The following CHD3 variants were observed in gnomAD, a reference collection of about 807,000 sequenced individuals.
The protein encoded by CHD3 is ATP-dependent chromatin remodeler CHD3.
CHD3 carries 52 observed loss-of-function variants against 248.9 expected under a neutral mutation model. That is an observed-to-expected ratio of 0.21 (90% CI 0.17 to 0.26). The LOEUF is 0.26. Ranked by LOEUF, CHD3 falls within the 10% of genes least tolerant of loss-of-function variation. The pLI, the probability that CHD3 is intolerant of heterozygous loss-of-function variation, is 1.00. For missense variants in CHD3, 1,482 were observed against 2,605.8 expected (o/e 0.57, Z 9.39); for synonymous variants, 985 against 985.2 (o/e 1.00, Z 0.00).
In CHD3 at chr17:7,900,933, TATC is replaced by T; in HGVS notation, c.3063_3065del (p.Ile1021del). On this transcript the variant is annotated inframe_deletion, in exon 19 of 40. Coordinates refer to ENST00000330494, the MANE Select transcript of CHD3 (RefSeq NM_001005273.3). This position sits in a 1 kb window ranked among gnomAD's most constrained non-coding sequence, Gnocchi z 6.5. ...GTGGGAACCAGGTGTCGCTGCTTAA[TATC>T]ATGATGGATCTTAAGAAGTGCTGCA... 1 of 1,614,106 alleles carries T rather than the reference TATC, an allele frequency of 6.2e-7. No individual in the cohort carries two copies. Among genetic ancestry groups the T allele is most frequent in the Non-Finnish European group, 8.5e-7 (1 of 1,179,954 alleles).
rs185135326 is a variant in CHD3, at chr17:7,889,927, G to T, written c.213+151G>T. 3.9e-3 allele frequency: 2,704 copies of T among 701,450 alleles called. 8 individuals carry two copies. Among genetic ancestry groups the T allele is most frequent in the Non-Finnish European group, 5.3e-3 (2,212 of 413,798 alleles). 43.5% of individuals were successfully genotyped at this position (701,450 alleles called of 1,614,324 possible). ...CCGGGCCCCCCACTTCCCTGCCACTGTTGGCCTGTATCTCAGGGATCTGGG... is the reference window on the plus strand; with the variant it reads ...CCGGGCCCCCCACTTCCCTGCCACTTTTGGCCTGTATCTCAGGGATCTGGG... On this transcript the variant is annotated intron_variant, in intron 2 of 39. Transcript: ENST00000330494. This position sits in a 1 kb window ranked among gnomAD's most constrained non-coding sequence, Gnocchi z 4.5.
Position 7,893,530 on chromosome 17 carries a change from C to T in CHD3, c.754C>T (p.Pro252Ser), listed in dbSNP as rs1201314910. 5 of 1,578,606 alleles carry T rather than the reference C, an allele frequency of 3.2e-6. No individual in the cohort carries two copies. The highest frequency in any genetic ancestry group is 4.5e-5 in the East Asian group (2 of 44,318). Residue 252 changes from proline (P) to serine (S), a missense_variant, in exon 5 of 40, where the codon CCC becomes TCC. Around this residue, in one of 20 missense-constraint regions of CHD3, gnomAD observed 149 missense variants for 182.6 expected, o/e 0.82. Transcript: ENST00000330494. ...LPPPPAADIQ[P>S]PPIRRAKTKE... Reference sequence around the variant, plus strand: ...ACCACCCCCTGCTGCTGATATCCAGCCCCCACCCATCCGAAGAGCCAAAAC... The same window carrying T: ...ACCACCCCCTGCTGCTGATATCCAGTCCCCACCCATCCGAAGAGCCAAAAC...
Position 7,909,254 on chromosome 17 carries a change from G to T in CHD3, c.5506G>T (p.Ala1836Ser). 2 of 1,554,898 alleles carry T rather than the reference G, an allele frequency of 1.3e-6. No homozygotes were observed. Among genetic ancestry groups the T allele is most frequent in the East Asian group, 2.4e-5 (1 of 41,338 alleles). ...AMALHARFAEAECLAESHQHL... is the reference protein window; with the variant it reads ...AMALHARFAESECLAESHQHL... ...GGCCCTCCACGCCCGCTTCGCCGAGGCCGAGTGCCTGGCCGAGAGCCACCA... is the reference window on the plus strand; with the variant it reads ...GGCCCTCCACGCCCGCTTCGCCGAGTCCGAGTGCCTGGCCGAGAGCCACCA... The change falls in exon 37 of 40, where the codon GCC becomes TCC. Residue 1836 changes from alanine (A) to serine (S), a missense_variant. Transcript: ENST00000330494. This position sits in a 1 kb window ranked among gnomAD's most constrained non-coding sequence, Gnocchi z 8.1.
chr17:7,890,499 A>T (rs1968685427), intron 2 of CHD3, 72 bp from the exon 3 acceptor site: 8 of 1,044,202 alleles, frequency 7.7e-6, no homozygotes, highest in Non-Finnish European at 1.1e-5. Flanking sequence ...GAGGTAAGAT[A>T]TGGTATGTGC....
chr17:7,887,355 C>G (rs760550586), upstream of CHD3, among the ~76,000 whole-genome samples: 27 of 150,596 alleles, frequency 1.8e-4, no homozygotes, highest in Non-Finnish European at 3.7e-4. Flanking sequence ...TAATAGCAGT[C>G]GTGTTGGTGG....
Position 7,903,313 on chromosome 17 carries a change from G to A in CHD3, c.3537G>A (p.Val1179=). The change falls in exon 23 of 40, where the codon GTG becomes GTA. Residue 1179 remains valine, a synonymous_variant. Coordinates refer to ENST00000330494, the MANE Select transcript of CHD3 (RefSeq NM_001005273.3). The surrounding 1 kb of genome is among the most constrained non-coding windows in gnomAD (Gnocchi z 6.8). ...RAHRIGQANK[V]MIYRFVTRAS... ...ATCGGATTGGCCAGGCCAACAAAGT[G>A]ATGATTTACCGGTTTGTGACTCGCG... 1 of 1,614,174 alleles carries A rather than the reference G, an allele frequency of 6.2e-7. No homozygotes were observed. The highest frequency in any genetic ancestry group is 8.5e-7 in the Non-Finnish European group (1 of 1,180,038).
Position 7,903,542 on chromosome 17 carries a change from T to C in CHD3, c.3727+39T>C. 2 of 1,533,258 alleles carry C rather than the reference T, an allele frequency of 1.3e-6. No homozygotes were observed. The highest frequency in any genetic ancestry group is 1.8e-6 in the Non-Finnish European group (2 of 1,119,218). 95.0% of individuals were successfully genotyped at this position (1,533,258 alleles called of 1,614,324 possible). A position where few individuals can be genotyped will look rare whatever the true frequency, so the allele number is the denominator to read the frequency against. On this transcript the variant is annotated intron_variant, in intron 23 of 39. Coordinates refer to ENST00000330494, the MANE Select transcript of CHD3 (RefSeq NM_001005273.3). The surrounding 1 kb of genome is among the most constrained non-coding windows in gnomAD (Gnocchi z 6.8). Reference sequence around the variant, plus strand: ...CTGCAGCTCTGTGAAAGCAGGCCCCTGCTCTCTCAGGAGTACTTATCAGCC... The same window carrying C: ...CTGCAGCTCTGTGAAAGCAGGCCCCCGCTCTCTCAGGAGTACTTATCAGCC...
chr17:7,906,284 G>A lies in CHD3; in HGVS notation c.4359-269G>A, dbSNP rs1246706940. 1 of 686,556 alleles carries A rather than the reference G, an allele frequency of 1.5e-6. No individual in the cohort carries two copies. The highest frequency in any genetic ancestry group is 1.8e-5 in the African/African-American group (1 of 56,360). The allele number at this position is 686,556 out of a possible 1,614,324, so 42.5% of individuals were successfully genotyped here. ...TTACTTGACCACAATAACCTGGCAG[G>A]AGGAGCTGGTGGAAAGGATGAAGAG... is the stretch of plus-strand genomic sequence containing the variant. On this transcript the variant is annotated intron_variant, in intron 28 of 39. Transcript: ENST00000330494. The surrounding 1 kb of genome is among the most constrained non-coding windows in gnomAD (Gnocchi z 5.0).
Position 7,909,767 on chromosome 17 carries a change from A to G in CHD3, c.5590+429A>G, listed in dbSNP as rs1474095176. 1 of 196,722 alleles carries G rather than the reference A, an allele frequency of 5.1e-6. No individual in the cohort carries two copies. The highest frequency in any genetic ancestry group is 1.0e-5 in the Non-Finnish European group (1 of 96,438). The allele number at this position is 196,722 out of a possible 1,614,324, so 12.2% of individuals were successfully genotyped here. On this transcript the variant is annotated intron_variant, in intron 37 of 39. Coordinates refer to ENST00000330494, the MANE Select transcript of CHD3 (RefSeq NM_001005273.3). This position sits in a 1 kb window ranked among gnomAD's most constrained non-coding sequence, Gnocchi z 8.1. ...TTCACCCCATAAGGCAGAAACTACCACCCATCCAACCCTCTGGCCTTACCC... is the reference window on the plus strand; with the variant it reads ...TTCACCCCATAAGGCAGAAACTACCGCCCATCCAACCCTCTGGCCTTACCC...
chr17:7,893,264 T>C, intron 4 of CHD3, 22 bp from the exon 5 acceptor site: 1 of 1,585,442 alleles, frequency 6.3e-7, no homozygotes, highest in Non-Finnish European at 8.6e-7. Flanking sequence ...AGGGTCCGAG[T>C]TTTCTGCTTC....
chr17:7,893,714 A>G (rs1969221827), intron 5 of CHD3, 91 bp from the exon 6 acceptor site: 1 of 1,550,930 alleles, frequency 6.4e-7, no homozygotes, highest in Non-Finnish European at 8.7e-7. Context: ...ACCACAGCCC[A>G]CAGAGGAATC....
chr17:7,907,362 C>A lies in CHD3; in HGVS notation c.4798C>A (p.Pro1600Thr). ...GEKMETEADA[P>T]SPAPSLGERL... Reference sequence around the variant, plus strand: ...CATTGTCCTCTTCCAGGCTGATGCCCCCAGCCCAGCCCCATCACTTGGGGA... The same window carrying A: ...CATTGTCCTCTTCCAGGCTGATGCCACCAGCCCAGCCCCATCACTTGGGGA... The change falls in exon 32 of 40, where the codon CCC becomes ACC. Residue 1600 changes from proline (P) to threonine (T), a missense_variant. By Grantham distance (38) the Pro-to-Thr change is conservative. Transcript: ENST00000330494. This position sits in a 1 kb window ranked among gnomAD's most constrained non-coding sequence, Gnocchi z 4.3. 6.2e-7 allele frequency: 1 copy of A among 1,604,036 alleles called. No homozygotes were observed. Among genetic ancestry groups the A allele is most frequent in the South Asian group, 1.1e-5 (1 of 89,422 alleles).
chr17:7,886,899 A>C (rs749592108), upstream of CHD3, among the ~76,000 whole-genome samples: 2 of 151,894 alleles, frequency 1.3e-5, no homozygotes, highest in African/African-American at 4.8e-5. This position sits in a 1 kb window ranked among gnomAD's most constrained non-coding sequence, Gnocchi z 4.2. Flanking sequence ...CTTTGTGTCA[A>C]CCCGGCCTCC....
intron 7 of CHD3, 47 bp downstream of exon 7, chr17:7,894,312 C>A: frequency 6.3e-7 from 1 of 1,596,758 alleles, no homozygotes; most frequent in South Asian, 1.1e-5. Context: ...GCCGTCCTCT[C>A]ATTCTTATTT....
At position 7,899,072 on chromosome 17, in the gene CHD3, T is replaced by C. The variant is rs1298543382; in HGVS notation, c.2213T>C (p.Met738Thr). The change falls in exon 14 of 40, where the codon ATG becomes ACG. Residue 738 changes from methionine (M) to threonine (T), a missense_variant. Physicochemically the swap from Met to Thr is moderately conservative, Grantham distance 81. Transcript: ENST00000330494. This position sits in a 1 kb window ranked among gnomAD's most constrained non-coding sequence, Gnocchi z 6.8. ...ACAGCCACTGGAGGCACCCTGCACA[T>C]GTATCAGTTGGAAGGGCTGAACTGG... is the stretch of plus-strand genomic sequence containing the variant. ...FITATGGTLH[M>T]YQLEGLNWLR... 1.2e-6 allele frequency: 2 copies of C among 1,614,164 alleles called. No individual in the cohort carries two copies. Among genetic ancestry groups the C allele is most frequent in the South Asian group, 1.1e-5 (1 of 91,086 alleles).
In CHD3 at chr17:7,907,134, G is replaced by T; in HGVS notation, c.4675G>T (p.Ala1559Ser). The T allele has an allele frequency of 6.2e-7, 1 of 1,614,202 alleles. No homozygotes were observed. Among genetic ancestry groups the T allele is most frequent in the Non-Finnish European group, 8.5e-7 (1 of 1,180,018 alleles). Residue 1559 changes from alanine to serine, a missense_variant, in exon 31 of 40, where the codon GCT becomes TCT. By Grantham distance (99) the Ala-to-Ser change is moderately conservative (BLOSUM62 1). This residue lies in a region of CHD3 where 254 missense variants were observed against 266.7 expected (regional missense o/e 0.95). Transcript: ENST00000330494. This position sits in a 1 kb window ranked among gnomAD's most constrained non-coding sequence, Gnocchi z 4.3. The part of the protein sequence containing the change: ...SPCTSKPATP[A>S]PSEKGEGIRT... ...TGTGCCTTCCCCTGCAGCTACTCCA[G>T]CTCCAAGTGAGAAAGGAGAAGGCAT...
intron 20 of CHD3, among the ~76,000 whole-genome samples, chr17:7,902,328 G>A (rs1339901427): frequency 7.2e-5 from 11 of 151,934 alleles, no homozygotes; most frequent in African/African-American, 1.9e-4. Context: ...AGGCTGAGGC[G>A]GTAGGATCAC....
In CHD3 at chr17:7,906,979, T is replaced by C. The variant is rs1420760569; in HGVS notation, c.4614T>C (p.Ser1538=). Residue 1538 remains serine (S), a synonymous_variant, in exon 30 of 40, where the codon TCT becomes TCC. Transcript: ENST00000330494. The surrounding 1 kb of genome is among the most constrained non-coding windows in gnomAD (Gnocchi z 5.0). ...GAGCCTCCTCTCCTACCAAAACGTC[T>C]CCCACCACTCCTGAGGCTTCTGCTA... ...SSRASSPTKT[S]PTTPEASATN... is the part of the protein sequence containing the mutation. 1 of 1,613,952 alleles carries C rather than the reference T, an allele frequency of 6.2e-7. No homozygotes were observed. The highest frequency in any genetic ancestry group is 8.5e-7 in the Non-Finnish European group (1 of 1,180,004).
chr17:7,890,473 G>A, intron 2 of CHD3, 98 bp from the exon 3 acceptor site: 1 of 844,666 alleles, frequency 1.2e-6, no homozygotes, highest in Non-Finnish European at 1.8e-6. Context: ...TCACAGGATT[G>A]TTGTGAAGAT....
Sources: gnomAD v4.1 joint callset for allele counts (sites outside exome capture counted in the v4.1 genomes callset) on GRCh38, gnomAD v4.1.1 for gene constraint, gnomAD v4.1.1 regional missense constraint, Gnocchi (gnomAD v3.1) non-coding constraint, MANE v1.5 for transcripts, NCBI Gene and HGNC (gene_info 2026-07-23, HGNC 2026-07-21) for gene names.